The following RNF111 variants were observed in gnomAD, a reference collection of about 807,000 sequenced individuals.
RNF111 encodes the protein E3 ubiquitin-protein ligase Arkadia.
In RNF111, 17 loss-of-function variants were observed where a neutral mutation model predicts 95.1. That is an observed-to-expected ratio of 0.18 (90% CI 0.12 to 0.27). The LOEUF (loss-of-function observed/expected upper bound fraction) is 0.27. RNF111 is among the 10% of genes least tolerant of loss of function. The probability of loss-of-function intolerance (pLI) is 1.00; values close to 1 mark genes in which losing one functional copy is unlikely to be tolerated. For synonymous variants in RNF111, 440 were observed against 414.8 expected (o/e 1.06, Z -0.74); for missense variants, 1,189 against 1,210.4 (o/e 0.98, Z 0.26).
chr15:59,027,330 G>T (rs1371399171), intron 1 of RNF111, among the ~76,000 whole-genome samples: 1 of 152,082 alleles, frequency 6.6e-6, no homozygotes. Flanking sequence ...TGCTGATGGA[G>T]TCTCTGATGC....
chr15:59,045,347 C>A (rs1272296232), intron 2 of RNF111, among the ~76,000 whole-genome samples: 1 of 152,044 alleles, frequency 6.6e-6, no homozygotes, highest in African/African-American at 2.4e-5. Context: ...CCTGCCACCA[C>A]ACCTGGCTAC....
At chr15:59,072,261 TTGAC>T (rs1282707498) in intron 6 of RNF111, among the ~76,000 whole-genome samples, 5 of 152,102 alleles carry the variant, frequency 3.3e-5, no homozygotes, top group African/African-American at 9.7e-5. Context: ...GCTGCATTGA[TTGAC>T]TGTTACTTTC....
chr15:58,992,337 G>A (rs1327190513), intron 1 of RNF111, among the ~76,000 whole-genome samples: 1 of 152,096 alleles, frequency 6.6e-6, no homozygotes, highest in Admixed American at 6.6e-5. Context: ...GGGCCACCGT[G>A]CCCAGCAATG....
intron 1 of RNF111, among the ~76,000 whole-genome samples, chr15:59,028,417 T>C (rs1288431124): frequency 6.6e-6 from 1 of 152,074 alleles, no homozygotes; most frequent in African/African-American, 2.4e-5. Context: ...TATGATAAAG[T>C]TTAATTTATA....
intron 5 of RNF111, among the ~76,000 whole-genome samples, chr15:59,060,178 T>G (rs974048887): frequency 1.3e-5 from 2 of 152,206 alleles, no homozygotes; most frequent in Non-Finnish European, 2.9e-5. Context: ...CAGGGGTGTC[T>G]TTTAAAAACA....
Position 59,011,048 on chromosome 15 carries a change from A to G in RNF111, c.-19-19756A>G, listed in dbSNP as rs145283259. On this transcript the variant is annotated intron_variant, in intron 1 of 13. Coordinates refer to ENST00000348370, the MANE Select transcript of RNF111 (RefSeq NM_017610.8). ...GAATTTGGCATCTTGAAGATGAAAA[A>G]TTGTCTATCAGAAGATTGTATTTTG... Among the ~76,000 whole-genome samples the G allele has an allele frequency of 5.6e-4, 85 of 152,298 alleles. 1 individual carries two copies. The highest frequency in any genetic ancestry group is 2.0e-3 in the African/African-American group (82 of 41,566).
chr15:59,090,193 T>C (rs1482263856), intron 11 of RNF111, among the ~76,000 whole-genome samples: 2 of 147,922 alleles, frequency 1.4e-5, no homozygotes, highest in African/African-American at 2.5e-5. Context: ...TTTAAAGTTT[T>C]GTTGTGGTTT....
chr15:59,041,309 A>G (rs1384462547), intron 2 of RNF111, among the ~76,000 whole-genome samples: 1 of 152,130 alleles, frequency 6.6e-6, no homozygotes, highest in African/African-American at 2.4e-5. Context: ...TAATCCCAGC[A>G]CTTTGGGAGG....
intron 6 of RNF111, 96 bp from the exon 7 acceptor site, chr15:59,075,858 T>G (rs2043142713): frequency 3.8e-6 from 5 of 1,312,788 alleles, no homozygotes; most frequent in Non-Finnish European, 5.2e-6. Flanking sequence ...ATTTAAAGAT[T>G]ATGTTTTTTT....
chr15:59,007,923 T>C (rs2039615454), intron 1 of RNF111, among the ~76,000 whole-genome samples: 1 of 152,224 alleles, frequency 6.6e-6, no homozygotes, highest in African/African-American at 2.4e-5. Flanking sequence ...CACATGTATA[T>C]ATAATTTTAT....
intron 2 of RNF111, among the ~76,000 whole-genome samples, chr15:59,037,829 T>TC (rs1260092456): frequency 5.3e-5 from 8 of 151,684 alleles, no homozygotes; most frequent in Non-Finnish European, 1.0e-4. Flanking sequence ...AGAGTGAAAC[T>TC]CCCTCTCAAA....
intron 6 of RNF111, among the ~76,000 whole-genome samples, chr15:59,068,387 A>T (rs1156899887): frequency 1.3e-5 from 2 of 152,242 alleles, no homozygotes; most frequent in Non-Finnish European, 2.9e-5. Flanking sequence ...CAAGTGGATC[A>T]CCTGAGGTCA....
intron 1 of RNF111, among the ~76,000 whole-genome samples, chr15:59,000,109 A>G (rs1349319492): frequency 6.6e-6 from 1 of 151,700 alleles, no homozygotes; most frequent in East Asian, 1.9e-4. Flanking sequence ...GTATCAGTAG[A>G]TATAACCCAT....
chr15:59,070,532 T>G (rs1199098569), intron 6 of RNF111, among the ~76,000 whole-genome samples: 2 of 152,112 alleles, frequency 1.3e-5, no homozygotes, highest in African/African-American at 2.4e-5. Flanking sequence ...TCTTAAAACA[T>G]TATTCTTAAA....
intron 1 of RNF111, among the ~76,000 whole-genome samples, chr15:58,992,027 C>T (rs1461633902): frequency 1.3e-5 from 2 of 151,988 alleles, no homozygotes; most frequent in African/African-American, 4.8e-5. Context: ...AGAAAACTTG[C>T]AAATGTCTGG....
intron 4 of RNF111, among the ~76,000 whole-genome samples, chr15:59,057,406 T>C (rs2042241898): frequency 1.3e-5 from 2 of 152,224 alleles, no homozygotes; most frequent in African/African-American, 4.8e-5. Context: ...CAGGTACTAT[T>C]TGTGCCTAAG....
At chr15:59,077,981 CAT>C (rs1242305250) in intron 7 of RNF111, among the ~76,000 whole-genome samples, 5 of 152,194 alleles carry the variant, frequency 3.3e-5, no homozygotes, top group South Asian at 2.1e-4. Flanking sequence ...ACGTGTGAAA[CAT>C]GTGGTTCTTA....
At chr15:59,057,500 T>A (rs1279767223) in intron 4 of RNF111, among the ~76,000 whole-genome samples, 1 of 152,208 alleles carries the variant, frequency 6.6e-6, no homozygotes, top group Non-Finnish European at 1.5e-5. Context: ...CTTTTCAGAT[T>A]TAATTGTCGT....
chr15:59,066,921 T>C lies in RNF111; in HGVS notation c.1524T>C (p.His508=). 1 of 1,614,078 alleles carries C rather than the reference T, an allele frequency of 6.2e-7. No individual in the cohort carries two copies. The highest frequency in any genetic ancestry group is 8.5e-7 in the Non-Finnish European group (1 of 1,180,006). ...GHPHTSCFQQ[H]GHHFQHHHHH... ...CTCATACAAGTTGCTTTCAGCAGCA[T>C]GGTCACCATTTTCAACATCATCACC... The change falls in exon 6 of 14, where the codon CAT becomes CAC. Residue 508 remains histidine, a synonymous_variant. Coordinates refer to ENST00000348370, the MANE Select transcript of RNF111 (RefSeq NM_017610.8).
Sources: gnomAD v4.1 joint callset for allele counts (sites outside exome capture counted in the v4.1 genomes callset) on GRCh38, gnomAD v4.1.1 for gene constraint, MANE v1.5 for transcripts, NCBI Gene and HGNC (gene_info 2026-07-23, HGNC 2026-07-21) for gene names.